The following ADAMTS18 variants were observed in gnomAD, a reference collection of about 807,000 sequenced individuals.
ADAMTS18 encodes ADAM metallopeptidase with thrombospondin type 1 motif 18.
Under a neutral mutation model 165.9 loss-of-function variants are expected in ADAMTS18, and 157 were observed. The ratio of observed to expected loss-of-function variants is 0.95; its 90% CI spans 0.83 to 1.08. The LOEUF is 1.08. Among genes scored for constraint, ADAMTS18 ranks in the 50% least tolerant of loss-of-function variants. The pLI is 0.00. For missense variants in ADAMTS18, 2,040 were observed against 1,534.0 expected, an observed-to-expected ratio of 1.33 and a Z score of -5.51; for synonymous variants, 782 against 578.2, an observed-to-expected ratio of 1.35 and a Z score of -5.06.
At chr16:77,387,861 C>G (rs879502657) in intron 3 of ADAMTS18, among the ~76,000 whole-genome samples, 1 of 152,176 alleles carries the variant, frequency 6.6e-6, no homozygotes, top group Non-Finnish European at 1.5e-5. Flanking sequence ...ATGACTCCTG[C>G]CCCCATTTGG....
chr16:77,354,443 G>C (rs923153573), intron 9 of ADAMTS18, among the ~76,000 whole-genome samples: 2 of 152,074 alleles, frequency 1.3e-5, no homozygotes, highest in African/African-American at 4.8e-5. Flanking sequence ...GGATGAGGCA[G>C]AAAAATTTCC....
At chr16:77,387,239 A>C (rs897388637) in intron 3 of ADAMTS18, among the ~76,000 whole-genome samples, 1 of 152,180 alleles carries the variant, frequency 6.6e-6, no homozygotes, top group Admixed American at 6.5e-5. Flanking sequence ...TCTTCCTGTT[A>C]CAAGTACAGT....
Position 77,431,471 on chromosome 16 carries a change from C to T in ADAMTS18, c.319G>A (p.Glu107Lys). 3 of 1,614,184 alleles carry T rather than the reference C, an allele frequency of 1.9e-6. No individual in the cohort carries two copies. Among genetic ancestry groups the T allele is most frequent in the Non-Finnish European group, 2.5e-6 (3 of 1,180,028 alleles). The part of the protein sequence containing the change: ...LHYRFSAFGQ[E>K]LHLELKPSAI... ...GAGGGCTTAAGTTCTAAGTGCAGTT[C>T]CTGTCCAAATGCTGAAAATCGGTAG... is the stretch of plus-strand genomic sequence containing the variant. Residue 107 changes from glutamate (E) to lysine (K), a missense_variant, in exon 3 of 23, where the codon GAA (glutamate) becomes AAA (lysine). Coordinates refer to ENST00000282849, the MANE Select transcript of ADAMTS18 (RefSeq NM_199355.4).
intron 3 of ADAMTS18, among the ~76,000 whole-genome samples, chr16:77,404,837 G>C (rs905767259): frequency 1.3e-5 from 2 of 152,150 alleles, no homozygotes; most frequent in African/African-American, 4.8e-5. Context: ...AGATGGCCAA[G>C]TAAACTGGTA....
chr16:77,399,139 G>C (rs1387869727), intron 3 of ADAMTS18, among the ~76,000 whole-genome samples: 10 of 152,116 alleles, frequency 6.6e-5, no homozygotes, highest in Admixed American at 5.9e-4. Flanking sequence ...CCAGGTGTGG[G>C]GGATGCCACT....
At chr16:77,297,438 A>G in intron 17 of ADAMTS18, 23 bp from the exon 18 acceptor site, 1 of 1,605,146 alleles carries the variant, frequency 6.2e-7, no homozygotes, top group Non-Finnish European at 8.5e-7. Flanking sequence ...CAGAAGTGAC[A>G]AAGTGAAAAT....
chr16:77,406,851 C>G (rs2057399523), intron 3 of ADAMTS18, among the ~76,000 whole-genome samples: 2 of 151,860 alleles, frequency 1.3e-5, no homozygotes, highest in South Asian at 4.1e-4. Flanking sequence ...AAACAGAAAG[C>G]CAAATACTGC....
intron 10 of ADAMTS18, among the ~76,000 whole-genome samples, chr16:77,349,371 G>C (rs997171122): frequency 3.9e-5 from 6 of 151,946 alleles, no homozygotes; most frequent in African/African-American, 1.5e-4. Context: ...AATGGAAATT[G>C]ATAGCTTATC....
At chr16:77,432,484 G>T (rs2057751227) in intron 2 of ADAMTS18, 1 of 152,146 alleles carries the variant, frequency 6.6e-6, no homozygotes, top group Non-Finnish European at 1.5e-5. Flanking sequence ...AATACAATTT[G>T]CTATTTGAAA....
chr16:77,307,774 C>A (rs1435284579), intron 16 of ADAMTS18, among the ~76,000 whole-genome samples: 1 of 152,136 alleles, frequency 6.6e-6, no homozygotes, highest in African/African-American at 2.4e-5. Context: ...TCTCCCTTCC[C>A]TTACACTGAT....
chr16:77,352,958 G>A (rs938263565), intron 10 of ADAMTS18, among the ~76,000 whole-genome samples: 1 of 152,020 alleles, frequency 6.6e-6, no homozygotes, highest in Admixed American at 6.6e-5. Flanking sequence ...AATTAGCCGA[G>A]CATGGTGGCT....
intron 3 of ADAMTS18, among the ~76,000 whole-genome samples, chr16:77,383,774 A>C (rs2057066979): frequency 6.6e-6 from 1 of 152,060 alleles, no homozygotes; most frequent in Non-Finnish European, 1.5e-5. Context: ...AACTCCTGAC[A>C]TCGTGATCCG....
chr16:77,379,367 A>G (rs16945562), intron 3 of ADAMTS18, among the ~76,000 whole-genome samples: 6,122 of 152,318 alleles, frequency 0.04, 361 homozygotes, highest in African/African-American at 0.13. Flanking sequence ...CTGGCCTTAA[A>G]GAGTAAATGA....
chr16:77,405,369 C>T (rs1173672590), intron 3 of ADAMTS18, among the ~76,000 whole-genome samples: 1 of 152,188 alleles, frequency 6.6e-6, no homozygotes, highest in Non-Finnish European at 1.5e-5. Flanking sequence ...TCCAATTCAG[C>T]TCTCATTTTG....
At chr16:77,301,359 C>A (rs968067068) in intron 16 of ADAMTS18, among the ~76,000 whole-genome samples, 1 of 151,852 alleles carries the variant, frequency 6.6e-6, no homozygotes, top group African/African-American at 2.4e-5. Context: ...AAGCCACCAA[C>A]CAAAATGTGC....
At chr16:77,342,112 C>T (rs986761827) in intron 10 of ADAMTS18, among the ~76,000 whole-genome samples, 29 of 152,218 alleles carry the variant, frequency 1.9e-4, no homozygotes, top group East Asian at 5.8e-4. Flanking sequence ...TGATAACCGT[C>T]GTAGCAGAAT....
chr16:77,416,687 T>C (rs1480947392), intron 3 of ADAMTS18, among the ~76,000 whole-genome samples: 1 of 152,212 alleles, frequency 6.6e-6, no homozygotes, highest in African/African-American at 2.4e-5. Context: ...GTAATTTGTC[T>C]ATTAGCAGCA....
intron 16 of ADAMTS18, among the ~76,000 whole-genome samples, chr16:77,304,669 A>G (rs1391489561): frequency 6.6e-6 from 1 of 152,244 alleles, no homozygotes; most frequent in Non-Finnish European, 1.5e-5. Context: ...CCATTTCATA[A>G]TATCATGGTA....
Position 77,334,629 on chromosome 16 carries a change from T to C in ADAMTS18, c.1859+1127A>G, listed in dbSNP as rs1473497902. Among the ~76,000 whole-genome samples the C allele has an allele frequency of 6.2e-5, 7 of 113,190 alleles. No homozygotes were observed. In the East Asian group the frequency reaches 1.8e-3, roughly 29 times the overall value. The allele number at this position is 113,190 out of a possible 152,430, so 74.3% of individuals were successfully genotyped here. On this transcript the variant is annotated intron_variant, in intron 12 of 22. Transcript: ENST00000282849. The stretch of plus-strand genomic sequence containing the variant: ...CTACTATAGTATATAGTATATATAC[T>C]ATAGTATATAGTGTATATACACTAT...
Sources: allele counts gnomAD v4.1 joint callset (sites outside exome capture counted in the v4.1 genomes callset), GRCh38; gene constraint gnomAD v4.1.1; transcripts MANE v1.5; gene names NCBI Gene and HGNC (gene_info 2026-07-23, HGNC 2026-07-21).